Variants in LTBP1 observed in about 807,000 individuals in gnomAD.
LTBP1 encodes the protein latent-transforming growth factor beta-binding protein 1.
Under a neutral mutation model 207.6 loss-of-function variants are expected in LTBP1, and 129 were observed. The observed-to-expected ratio is 0.62, with a 90% CI of 0.54 to 0.72. LTBP1 has a LOEUF of 0.72. Ranked by LOEUF, LTBP1 falls within the 30% of genes least tolerant of loss-of-function variation. The pLI is 0.00. For missense variants in LTBP1, 2,281 were observed against 2,217.2 expected, an observed-to-expected ratio of 1.03 and a Z score of -0.58; for synonymous variants, 963 against 833.7, an observed-to-expected ratio of 1.16 and a Z score of -2.67.
chr2:33,302,829 G>A (rs1157310805), intron 22 of LTBP1, among the ~76,000 whole-genome samples: 4 of 151,858 alleles, frequency 2.6e-5, no homozygotes, highest in Admixed American at 1.3e-4. Flanking sequence ...TTGGGAGGCC[G>A]AGGCAGGTGG....
intron 3 of LTBP1, among the ~76,000 whole-genome samples, chr2:33,084,503 C>T (rs896528572): frequency 6.6e-6 from 1 of 152,020 alleles, no homozygotes; most frequent in Admixed American, 6.6e-5. Flanking sequence ...AGTCACTGGG[C>T]TTTAGGGAAC....
chr2:33,327,386 T>C (rs916237536), intron 24 of LTBP1, among the ~76,000 whole-genome samples: 10 of 151,554 alleles, frequency 6.6e-5, no homozygotes, highest in African/African-American at 2.4e-4. Context: ...AGAAAACGAT[T>C]TTTTTTAATG....
At chr2:32,982,277 G>A (rs537692348) in intron 2 of LTBP1, among the ~76,000 whole-genome samples, 1 of 152,308 alleles carries the variant, frequency 6.6e-6, no homozygotes, top group Non-Finnish European at 1.5e-5. Context: ...GAGATCTGTG[G>A]AACTTTGAGC....
chr2:33,306,342 G>A (rs1050100622), intron 22 of LTBP1, among the ~76,000 whole-genome samples: 1 of 152,116 alleles, frequency 6.6e-6, no homozygotes, highest in Non-Finnish European at 1.5e-5. Context: ...GGCCGAGGCG[G>A]GTGAATCACT....
intron 5 of LTBP1, among the ~76,000 whole-genome samples, chr2:33,141,778 AC>A (rs36118981): frequency 6.6e-6 from 1 of 152,026 alleles, no homozygotes; most frequent in Non-Finnish European, 1.5e-5. Flanking sequence ...ACCGTGGAGC[AC>A]CCCCCAAAAA....
intron 2 of LTBP1, among the ~76,000 whole-genome samples, chr2:33,016,497 C>T (rs375409307): frequency 1.2e-4 from 19 of 152,116 alleles, no homozygotes; most frequent in East Asian, 5.8e-4. Flanking sequence ...AGCCCTCCCC[C>T]GCTAGAGATT....
intron 5 of LTBP1, among the ~76,000 whole-genome samples, chr2:33,138,453 T>TC (rs2150682900): frequency 6.6e-6 from 1 of 152,272 alleles, no homozygotes; most frequent in Non-Finnish European, 1.5e-5. Context: ...ATGACTTTTT[T>TC]TTTTTTTGAG....
Position 33,086,772 on chromosome 2 carries a change from T to G in LTBP1, c.864-23810T>G, listed in dbSNP as rs1017723198. 5.9e-5 allele frequency among the ~76,000 whole-genome samples: 9 copies of G among 152,172 alleles called. No homozygotes were observed. The East Asian group carries it at 1.7e-3, about 29-fold the overall frequency. On this transcript the variant is annotated intron_variant, in intron 3 of 33. Coordinates refer to ENST00000404816, the MANE Select transcript of LTBP1 (RefSeq NM_206943.4). Reference sequence around the variant, plus strand: ...CACAAGGAGCATTAAGAAGCGTGATTTCTGTTGGCTCAGTAAAGTGATTTT... The same window carrying G: ...CACAAGGAGCATTAAGAAGCGTGATGTCTGTTGGCTCAGTAAAGTGATTTT...
chr2:32,983,787 C>T (rs1683131541), intron 2 of LTBP1, among the ~76,000 whole-genome samples: 1 of 152,184 alleles, frequency 6.6e-6, no homozygotes, highest in Non-Finnish European at 1.5e-5. Context: ...TGTGAGGCCT[C>T]CCCAGCCATG....
Position 33,076,541 on chromosome 2 carries a change from C to CT in LTBP1, c.864-34029dup, listed in dbSNP as rs1039003957. Among the ~76,000 whole-genome samples, 923 of 145,094 alleles carry CT rather than the reference C, an allele frequency of 6.4e-3. 4 individuals carry two copies. Among genetic ancestry groups the CT allele is most frequent in the African/African-American group, 0.021 (835 of 39,712 alleles). On this transcript the variant is annotated intron_variant, in intron 3 of 33. Coordinates refer to ENST00000404816, the MANE Select transcript of LTBP1 (RefSeq NM_206943.4). ...ATGAATTATGTCCTAATTTCCCATC[C>CT]TTTTTTTTTTTTGAGATGGAGTTTC...
chr2:33,146,309 A>T (rs1254693535), intron 5 of LTBP1, among the ~76,000 whole-genome samples: 1 of 152,212 alleles, frequency 6.6e-6, no homozygotes, highest in Non-Finnish European at 1.5e-5. Flanking sequence ...TCTAGACAAG[A>T]AAACCTAACA....
chr2:33,241,286 C>T (rs941781394), intron 9 of LTBP1, among the ~76,000 whole-genome samples: 2 of 152,144 alleles, frequency 1.3e-5, no homozygotes, highest in East Asian at 1.9e-4. Flanking sequence ...GAGTCTTACA[C>T]GATTCTTCGT....
chr2:33,303,402 G>T (rs1309308593), intron 22 of LTBP1, among the ~76,000 whole-genome samples: 1 of 149,684 alleles, frequency 6.7e-6, no homozygotes, highest in Non-Finnish European at 1.5e-5. Flanking sequence ...CCAGGCTGAG[G>T]GCAGTGGCAC....
At chr2:33,288,329 C>T (rs571438552) in intron 19 of LTBP1, among the ~76,000 whole-genome samples, 59 of 152,200 alleles carry the variant, frequency 3.9e-4, no homozygotes, top group African/African-American at 1.3e-3. Flanking sequence ...ACATGGTGGG[C>T]TGTGCCCACC....
intron 7 of LTBP1, among the ~76,000 whole-genome samples, chr2:33,192,338 A>G (rs932711243): frequency 1.3e-5 from 2 of 152,194 alleles, no homozygotes; most frequent in Non-Finnish European, 2.9e-5. Flanking sequence ...GAGACAGTAT[A>G]GAGTGCAGAA....
intron 5 of LTBP1, among the ~76,000 whole-genome samples, chr2:33,140,114 G>C (rs1380942844): frequency 6.6e-6 from 1 of 152,158 alleles, no homozygotes; most frequent in Admixed American, 6.5e-5. Flanking sequence ...CTGATGCTCT[G>C]CACTGAAAAT....
chr2:33,118,203 AC>A (rs2080878740), intron 4 of LTBP1, among the ~76,000 whole-genome samples: 6 of 148,574 alleles, frequency 4.0e-5, no homozygotes, highest in East Asian at 2.0e-4. Context: ...AAAAAAAAAA[AC>A]AAAAAAAAAA....
intron 3 of LTBP1, among the ~76,000 whole-genome samples, chr2:33,067,420 A>G (rs2077568297): frequency 6.6e-6 from 1 of 152,234 alleles, no homozygotes; most frequent in Non-Finnish European, 1.5e-5. Flanking sequence ...AAAAGTGAAA[A>G]TAAGAAATGA....
chr2:33,131,792 T>C (rs2081816145), intron 4 of LTBP1, among the ~76,000 whole-genome samples: 1 of 152,248 alleles, frequency 6.6e-6, no homozygotes, highest in Non-Finnish European at 1.5e-5. Context: ...TTAAGTCATA[T>C]GAAACTGTCT....
Sources: gnomAD v4.1 joint callset for allele counts (sites outside exome capture counted in the v4.1 genomes callset) on GRCh38, gnomAD v4.1.1 for gene constraint, MANE v1.5 for transcripts, NCBI Gene and HGNC (gene_info 2026-07-23, HGNC 2026-07-21) for gene names.